MPPED1: variants seen among roughly 807,000 people sequenced by gnomAD.
The protein encoded by MPPED1 is metallophosphoesterase domain-containing protein 1.
A neutral mutation model predicts 36.2 loss-of-function variants in MPPED1; 16 were observed. The observed-to-expected ratio is 0.44, with a 90% CI of 0.30 to 0.67. The LOEUF is 0.67. Ranked by LOEUF, MPPED1 falls within the 30% of genes least tolerant of loss-of-function variation. The probability of loss-of-function intolerance (pLI) is 0.10; values close to 1 mark genes in which losing one functional copy is unlikely to be tolerated. For missense variants in MPPED1, 307 were observed against 453.4 expected (o/e 0.68, Z 2.93); for synonymous variants, 199 against 191.3 (o/e 1.04, Z -0.33).
intron 2 of MPPED1, among the ~76,000 whole-genome samples, chr22:43,429,672 C>T (rs971517596): frequency 1.3e-5 from 2 of 152,248 alleles, no homozygotes; most frequent in Admixed American, 1.3e-4. Flanking sequence ...CCAAGCATCT[C>T]TCCCCTCCAC....
In MPPED1 at chr22:43,474,425, G is replaced by A. The variant is rs2146884414; in HGVS notation, c.407-311G>A. The stretch of plus-strand genomic sequence containing the variant: ...CTGCTGCCTCCTTTGATCTGATGAA[G>A]ACACCTGTTGGGGGCCTGGCAGCAG... On this transcript the variant is annotated intron_variant, in intron 3 of 6. Coordinates refer to ENST00000443721, the MANE Select transcript of MPPED1 (RefSeq NM_001044370.2). This position sits in a 1 kb window ranked among gnomAD's most constrained non-coding sequence, Gnocchi z 5.2. Among the ~76,000 whole-genome samples the A allele has an allele frequency of 6.6e-6, 1 of 152,324 alleles. No homozygotes were observed. The highest frequency in any genetic ancestry group is 1.9e-4 in the East Asian group (1 of 5,182).
intron 1 of MPPED1, among the ~76,000 whole-genome samples, chr22:43,422,057 G>C (rs1420587217): frequency 6.6e-6 from 1 of 152,202 alleles, no homozygotes; most frequent in East Asian, 1.9e-4. Flanking sequence ...CTGCCCTCAG[G>C]GGACATCCGG....
intron 4 of MPPED1, among the ~76,000 whole-genome samples, chr22:43,476,178 C>G (rs1167949721): frequency 6.6e-6 from 1 of 152,110 alleles, no homozygotes; most frequent in African/African-American, 2.4e-5. Context: ...ATCTCTAATC[C>G]TTACTCAGCC....
rs1332727918 is a variant in MPPED1, at chr22:43,424,977, C to T, written c.-9C>T. ...CGGTGGGAGATGCCGGGGCGGCCGGCGGAGGTCCATGTGGCGCTCTAGGTG... is the reference window on the plus strand; with the variant it reads ...CGGTGGGAGATGCCGGGGCGGCCGGTGGAGGTCCATGTGGCGCTCTAGGTG... On this transcript the variant is annotated 5_prime_UTR_variant, in exon 2 of 7. Transcript: ENST00000443721. 15 of 1,576,572 alleles carry T rather than the reference C, an allele frequency of 9.5e-6. No homozygotes were observed. Among genetic ancestry groups the T allele is most frequent in the African/African-American group, 6.8e-5 (5 of 73,984 alleles).
chr22:43,497,935 G>GTATATATATATATATATA (rs753427064), intron 4 of MPPED1, among the ~76,000 whole-genome samples: 2,271 of 128,280 alleles, frequency 0.018, 74 homozygotes, highest in East Asian at 0.057. Flanking sequence ...ATATGTATAT[G>GTATATATATATATATATA]TATATATATA....
chr22:43,448,488 G>A (rs1274483219), intron 3 of MPPED1, among the ~76,000 whole-genome samples: 1 of 152,232 alleles, frequency 6.6e-6, no homozygotes, highest in Non-Finnish European at 1.5e-5. Flanking sequence ...CAAAAGCTGA[G>A]CTCAGCGGGG....
At chr22:43,414,347 T>C (rs190484020) in intron 1 of MPPED1, among the ~76,000 whole-genome samples, 48 of 152,262 alleles carry the variant, frequency 3.2e-4, no homozygotes, top group African/African-American at 1.1e-3. Context: ...CTCTGCTTGT[T>C]TGAGGAATGA....
At chr22:43,432,371 GAGAA>G (rs1337504116) in intron 2 of MPPED1, among the ~76,000 whole-genome samples, 2 of 123,252 alleles carry the variant, frequency 1.6e-5, no homozygotes, top group East Asian at 2.6e-4. Flanking sequence ...GAAAGGGAGA[GAGAA>G]AGGGAGGAGA....
chr22:43,431,398 G>C (rs138437191), intron 2 of MPPED1, among the ~76,000 whole-genome samples: 153 of 152,122 alleles, frequency 1.0e-3, no homozygotes, highest in African/African-American at 3.4e-3. Context: ...AACATAGTCA[G>C]GTTTCTGGAT....
At chr22:43,439,097 C>T (rs560414928) in intron 3 of MPPED1, among the ~76,000 whole-genome samples, 4 of 152,308 alleles carry the variant, frequency 2.6e-5, no homozygotes, top group Admixed American at 6.5e-5. Context: ...CGGGGCTCTG[C>T]GTGGTTAAAT....
chr22:43,460,948 G>T (rs984844867), intron 3 of MPPED1, among the ~76,000 whole-genome samples: 4 of 152,160 alleles, frequency 2.6e-5, no homozygotes, highest in African/African-American at 2.4e-5. Context: ...CCTCTTGTTT[G>T]CCCTAACTGG....
At chr22:43,493,044 C>T (rs1443613518) in intron 4 of MPPED1, among the ~76,000 whole-genome samples, 5 of 152,300 alleles carry the variant, frequency 3.3e-5, no homozygotes, top group Middle Eastern at 3.4e-3. Flanking sequence ...GTGTCTGAAA[C>T]AATGAAAAGG....
rs1382933866 is a variant in MPPED1 at position 43,455,416 on chromosome 22, A to T, written c.407-19320A>T. Among the ~76,000 whole-genome samples the T allele has an allele frequency of 2.6e-5, 4 of 152,018 alleles. No homozygotes were observed. In the East Asian group the frequency reaches 7.7e-4, roughly 29 times the overall value. On this transcript the variant is annotated intron_variant, in intron 3 of 6. Coordinates refer to ENST00000443721, the MANE Select transcript of MPPED1 (RefSeq NM_001044370.2). ...TGAGCCACTGCGCCAGGTCAATGTCATCTTGTTACAGGGACACCAGTCATT... is the reference window on the plus strand; with the variant it reads ...TGAGCCACTGCGCCAGGTCAATGTCTTCTTGTTACAGGGACACCAGTCATT...
At chr22:43,498,072 A>C (rs149669758) in intron 4 of MPPED1, among the ~76,000 whole-genome samples, 163 bp from the exon 5 acceptor site, 42 of 151,148 alleles carry the variant, frequency 2.8e-4, no homozygotes, top group Non-Finnish European at 2.4e-4. Context: ...CAGTGGGTCA[A>C]AGTCCTGGTG....
chr22:43,493,997 G>T (rs921902182), intron 4 of MPPED1, among the ~76,000 whole-genome samples: 1 of 152,066 alleles, frequency 6.6e-6, no homozygotes, highest in Non-Finnish European at 1.5e-5. Flanking sequence ...GTTCCTTTTG[G>T]GGGGCTCTGA....
chr22:43,500,308 T>TGGTGGAGGTGGTGGTGATGGC (rs1932668717), intron 5 of MPPED1, among the ~76,000 whole-genome samples: 2 of 65,496 alleles, frequency 3.1e-5, no homozygotes, highest in East Asian at 4.5e-4. Context: ...GTGGTGATGG[T>TGGTGGAGGTGGTGGTGATGGC]GATGGAGGTG....
intron 3 of MPPED1, among the ~76,000 whole-genome samples, chr22:43,436,924 G>C (rs1255847985): frequency 1.3e-5 from 2 of 152,246 alleles, no homozygotes; most frequent in Admixed American, 1.3e-4. Flanking sequence ...ACACAGCCTG[G>C]CTTTCCAGGT....
intron 3 of MPPED1, among the ~76,000 whole-genome samples, chr22:43,438,161 C>T (rs577725760): frequency 7.2e-5 from 11 of 152,252 alleles, no homozygotes; most frequent in African/African-American, 1.7e-4. Flanking sequence ...GCCATGAGGG[C>T]GGCACGGGAG....
chr22:43,488,861 C>A (rs535738433), intron 4 of MPPED1, among the ~76,000 whole-genome samples: 3 of 152,246 alleles, frequency 2.0e-5, no homozygotes, highest in Non-Finnish European at 4.4e-5. Context: ...TGGTGTGCCC[C>A]GCACAGTGGG....
Sources: gnomAD v4.1 joint callset for allele counts (sites outside exome capture counted in the v4.1 genomes callset) on GRCh38, gnomAD v4.1.1 for gene constraint, Gnocchi (gnomAD v3.1) non-coding constraint, MANE v1.5 for transcripts, NCBI Gene and HGNC (gene_info 2026-07-23, HGNC 2026-07-21) for gene names.